ITIH4: variants seen among roughly 807,000 people sequenced by gnomAD.
ITIH4 encodes the protein inter-alpha-trypsin inhibitor heavy chain 4.
Under a neutral mutation model 111.8 loss-of-function variants are expected in ITIH4, and 79 were observed. The ratio of observed to expected loss-of-function variants is 0.71; its 90% CI spans 0.59 to 0.85. The LOEUF (loss-of-function observed/expected upper bound fraction) is 0.85. ITIH4 is among the 40% of genes least tolerant of loss of function. The pLI, the probability that ITIH4 is intolerant of heterozygous loss-of-function variation, is 0.00. For synonymous variants in ITIH4, 472 were observed against 468.3 expected (o/e 1.01, Z -0.10); for missense variants, 1,065 against 1,195.8 (o/e 0.89, Z 1.61).
rs78150596 is a variant in ITIH4 at position 52,819,922 on chromosome 3, C to G, written c.1912+18G>C. On this transcript the variant is annotated intron_variant, in intron 15 of 23. Coordinates refer to ENST00000266041, the MANE Select transcript of ITIH4 (RefSeq NM_002218.5). ...CCAATCTGTCAATCTCCCCTCCCCC[C>G]ACCTCCTACTTTGTCACCTGGTTTT... 2,471 of 1,612,944 alleles carry G rather than the reference C, an allele frequency of 1.5e-3. 3 individuals are homozygous for G. Among genetic ancestry groups the G allele is most frequent in the Non-Finnish European group, 1.9e-3 (2,188 of 1,178,912 alleles).
chr3:52,815,689 T>TC (rs1700269316), intron 21 of ITIH4, among the ~76,000 whole-genome samples: 1 of 145,598 alleles, frequency 6.9e-6, no homozygotes, highest in Non-Finnish European at 1.5e-5. Context: ...ATTTTAGATC[T>TC]TTTTTTTTTT....
At chr3:52,826,049 C>T in intron 5 of ITIH4, 35 bp from the exon 6 acceptor site, 3 of 1,612,570 alleles carry the variant, frequency 1.9e-6, no homozygotes, top group South Asian at 1.1e-5. Context: ...TTGGGAGGAA[C>T]AGCAAAGCCA....
At chr3:52,821,440 GA>G (rs1700378959) in intron 11 of ITIH4, among the ~76,000 whole-genome samples, 1 of 152,170 alleles carries the variant, frequency 6.6e-6, no homozygotes, top group Non-Finnish European at 1.5e-5. Flanking sequence ...GGCCAGTGTA[GA>G]AACAGCAGCA....
intron 19 of ITIH4, 34 bp downstream of exon 19, chr3:52,818,223 A>G (rs773362141): frequency 1.9e-6 from 3 of 1,590,278 alleles, no homozygotes; most frequent in Non-Finnish European, 2.6e-6. Flanking sequence ...GGGGGCAAGG[A>G]TGTGGAAAGG....
Position 52,816,880 on chromosome 3 carries a change from T to C in ITIH4, c.2471+4A>G, listed in dbSNP as rs1559478032. The C allele has an allele frequency of 6.2e-7, 1 of 1,612,954 alleles. No homozygotes were observed. Among genetic ancestry groups the C allele is most frequent in the Non-Finnish European group, 8.5e-7 (1 of 1,179,360 alleles). ...CCTGCCCCGGGCTCCAGCCTGGGCC[T>C]TACCCGGGCATCACTGAGAATAGCG... On this transcript the variant is annotated splice_donor_region_variant and intron_variant, in intron 21 of 23. Transcript: ENST00000266041.
At position 52,826,587 on chromosome 3, in the gene ITIH4, G is replaced by C. The variant is rs1700482114; in HGVS notation, c.584C>G (p.Thr195Ser). ...GGTGAGGGCGTCTACCAGCTGGTTG[G>C]TCATGAAGGTGCTCTCTGTCTCCAG... The part of the protein sequence containing the change: ...SFLETESTFM[T>S]NQLVDALTTW... The change falls in exon 5 of 24, where the codon ACC (threonine) becomes AGC (serine). Residue 195 changes from threonine (T) to serine (S), a missense_variant. Physicochemically the swap from Thr to Ser is moderately conservative, Grantham distance 58. Coordinates refer to ENST00000266041, the MANE Select transcript of ITIH4 (RefSeq NM_002218.5). 1 of 1,614,134 alleles carries C rather than the reference G, an allele frequency of 6.2e-7. No homozygotes were observed. The highest frequency in any genetic ancestry group is 2.2e-5 in the East Asian group (1 of 44,880).
rs1373998053 is a variant in ITIH4, at chr3:52,826,450, G to T, written c.630+91C>A. 3.3e-6 allele frequency: 3 copies of T among 922,752 alleles called. No individual in the cohort carries two copies. The South Asian group carries it at 4.1e-5, about 12-fold the overall frequency. 57.2% of individuals were successfully genotyped at this position (922,752 alleles called of 1,614,324 possible). ...CAGGTCACAGCTCACAGGAGGGAGA[G>T]CCCATCCTGCTTTCCAGAAATCCGG... On this transcript the variant is annotated intron_variant, in intron 5 of 23. Transcript: ENST00000266041.
chr3:52,824,931 A>T lies in ITIH4; in HGVS notation c.787T>A (p.Phe263Ile), dbSNP rs1244600435. ...ATTGTGGTTAGGCCCTCGGGGGCAAAGTAGTGTACAAAGTAGCCGTTCTCG... is the reference window on the plus strand; with the variant it reads ...ATTGTGGTTAGGCCCTCGGGGGCAATGTAGTGTACAAAGTAGCCGTTCTCG... The part of the protein sequence containing the change: ...QIENGYFVHY[F>I]APEGLTTMPK... The change falls in exon 7 of 24, where the codon TTT (phenylalanine) becomes ATT (isoleucine). Residue 263 changes from phenylalanine to isoleucine, a missense_variant. Physicochemically the swap from Phe to Ile is conservative, Grantham distance 21. Coordinates refer to ENST00000266041, the MANE Select transcript of ITIH4 (RefSeq NM_002218.5). The surrounding 1 kb of genome is among the most constrained non-coding windows in gnomAD (Gnocchi z 4.3). 1 of 1,613,606 alleles carries T rather than the reference A, an allele frequency of 6.2e-7. No individual in the cohort carries two copies.
rs1700455897 is a variant in ITIH4, at chr3:52,824,716, G to T, written c.876+126C>A. The T allele has an allele frequency of 3.2e-6, 4 of 1,244,664 alleles. No individual in the cohort carries two copies. The Admixed American group carries it at 8.4e-5, about 26-fold the overall frequency. 77.1% of individuals were successfully genotyped at this position (1,244,664 alleles called of 1,614,324 possible). A position where few individuals can be genotyped will look rare whatever the true frequency, so the allele number is the denominator to read the frequency against. ...CTGCCCTAGGCTCTGGCCAACCTTG[G>T]TTCCTGAGAGCCACCCGCCCCATGG... On this transcript the variant is annotated intron_variant, in intron 7 of 23. Transcript: ENST00000266041. The surrounding 1 kb of genome is among the most constrained non-coding windows in gnomAD (Gnocchi z 4.3).
At chr3:52,819,893 G>A (rs1294471269) in intron 15 of ITIH4, 47 bp downstream of exon 15, 1 of 1,607,904 alleles carries the variant, frequency 6.2e-7, no homozygotes, top group Non-Finnish European at 8.5e-7. Context: ...AGCCAGGACT[G>A]AGCCCAATCT....
At chr3:52,817,156 T>TG in intron 20 of ITIH4, 98 bp from the exon 21 acceptor site, 1 of 986,154 alleles carries the variant, frequency 1.0e-6, no homozygotes, top group South Asian at 1.6e-5. Context: ...CCTGGAGTTC[T>TG]GCAGCAGCTC....
intron 21 of ITIH4, 80 bp from the exon 22 acceptor site, chr3:52,814,443 T>G (rs963764849): frequency 7.8e-7 from 1 of 1,276,938 alleles, no homozygotes; most frequent in Non-Finnish European, 1.1e-6. Context: ...GGGAGTGGGC[T>G]GGGCTTCCCC....
chr3:52,818,779 T>C (rs1700324015), intron 17 of ITIH4: 1 of 546,620 alleles, frequency 1.8e-6, no homozygotes, highest in Non-Finnish European at 3.2e-6. Context: ...GGGACCTCTG[T>C]TGGCTTTCTG....
At chr3:52,813,605 T>A in intron 23 of ITIH4, 115 bp from the exon 24 acceptor site, 1 of 920,748 alleles carries the variant, frequency 1.1e-6, no homozygotes, top group Non-Finnish European at 1.8e-6. Flanking sequence ...TGGCGTCCCT[T>A]TAGAATTCCC....
At position 52,825,877 on chromosome 3, in the gene ITIH4, T is replaced by A; in HGVS notation, c.759+9A>T. The A allele has an allele frequency of 3.1e-6, 5 of 1,612,558 alleles. No individual in the cohort carries two copies. In the South Asian group the frequency reaches 5.5e-5, roughly 18 times the overall value. Reference sequence around the variant, plus strand: ...TAGGCTGCTCTGCTCTTGCCTGAAGTCCACCCACCTGAATGGAGCCCCCGG... The same window carrying A: ...TAGGCTGCTCTGCTCTTGCCTGAAGACCACCCACCTGAATGGAGCCCCCGG... On this transcript the variant is annotated intron_variant, in intron 6 of 23. Transcript: ENST00000266041.
chr3:52,820,270 T>C (rs1305284979), intron 14 of ITIH4, 21 bp downstream of exon 14: 4 of 1,613,886 alleles, frequency 2.5e-6, no homozygotes, highest in African/African-American at 2.7e-5. Context: ...AGCACAGCCT[T>C]TGAGGATGTT....
rs1463512992 is a variant in ITIH4, at chr3:52,826,068, A to C, written c.631-54T>G. The C allele has an allele frequency of 7.5e-6, 12 of 1,608,680 alleles. No individual in the cohort carries two copies. The Admixed American group carries it at 1.3e-4, about 18-fold the overall frequency. ...GAGGAACAGCAAAGCCAGGCCAACA[A>C]CACCCTCTACCCCTGTCTGTATATT... On this transcript the variant is annotated intron_variant, in intron 5 of 23. Coordinates refer to ENST00000266041, the MANE Select transcript of ITIH4 (RefSeq NM_002218.5).
chr3:52,827,524 C>T (rs1700503867), intron 2 of ITIH4, among the ~76,000 whole-genome samples: 1 of 152,230 alleles, frequency 6.6e-6, no homozygotes, highest in Non-Finnish European at 1.5e-5. Flanking sequence ...CTGGCCGAAG[C>T]TGGCCCACAT....
chr3:52,825,853 A>G, intron 6 of ITIH4, 33 bp downstream of exon 6: 1 of 1,605,696 alleles, frequency 6.2e-7, no homozygotes, highest in Non-Finnish European at 8.5e-7. Context: ...ACAGACTTCT[A>G]GGCTGCTCTG....
Sources: allele counts gnomAD v4.1 joint callset (sites outside exome capture counted in the v4.1 genomes callset), GRCh38; gene constraint gnomAD v4.1.1; non-coding constraint Gnocchi (gnomAD v3.1); transcripts MANE v1.5; gene names NCBI Gene and HGNC (gene_info 2026-07-23, HGNC 2026-07-21).